Variants in RBFOX1 observed in about 807,000 individuals in gnomAD.
The protein encoded by RBFOX1 is RNA binding protein fox-1 homolog 1.
Under a neutral mutation model 57.7 loss-of-function variants are expected in RBFOX1, and 8 were observed. The observed-to-expected ratio is 0.14, with a 90% CI of 0.08 to 0.25. The LOEUF (loss-of-function observed/expected upper bound fraction) is 0.25. RBFOX1 is among the 10% of genes least tolerant of loss of function. The pLI, the probability that RBFOX1 is intolerant of heterozygous loss-of-function variation, is 1.00. For synonymous variants in RBFOX1, 326 were observed against 222.4 expected, an observed-to-expected ratio of 1.47 and a Z score of -4.15; for missense variants, 611 against 548.5, an observed-to-expected ratio of 1.11 and a Z score of -1.14.
Position 6,859,167 on chromosome 16 carries a change from A to ATATATATACG in RBFOX1, c.-15-192883_-15-192882insACGTATATAT, listed in dbSNP as rs1567593244. ...TATATATATATGTATATATATACGT[A>ATATATATACG]TATATATGTATATATATGTATATAT... is the stretch of plus-strand genomic sequence containing the variant. On this transcript the variant is annotated intron_variant, in intron 3 of 15. Transcript: ENST00000550418. Among the ~76,000 whole-genome samples, 47 of 73,704 alleles carry ATATATATACG rather than the reference A, an allele frequency of 6.4e-4. 2 individuals are homozygous for ATATATATACG. The highest frequency in any genetic ancestry group is 3.1e-3 in the African/African-American group (46 of 14,786). The allele number at this position is 73,704 out of a possible 152,430, so 48.4% of individuals were successfully genotyped here. A position where few individuals can be genotyped will look rare whatever the true frequency, so the allele number is the denominator to read the frequency against.
intron 3 of RBFOX1, among the ~76,000 whole-genome samples, chr16:6,901,481 T>C (rs2068479742): frequency 6.6e-6 from 1 of 152,174 alleles, no homozygotes. Flanking sequence ...GACTCTTCCT[T>C]AGCCCATGAC....
At chr16:6,412,731 C>T (rs534175908) in intron 2 of RBFOX1, among the ~76,000 whole-genome samples, 45 of 152,244 alleles carry the variant, frequency 3.0e-4, no homozygotes, top group Admixed American at 1.0e-3. Context: ...TGCTAATGGA[C>T]ATGTGAAGCA....
At chr16:5,812,650 C>T (rs563439495) in intron 3 of RBFOX1, among the ~76,000 whole-genome samples, 3 of 152,000 alleles carry the variant, frequency 2.0e-5, no homozygotes, top group East Asian at 3.9e-4. Context: ...TTGGTAGACC[C>T]GGGCTCTCCC....
intron 2 of RBFOX1, among the ~76,000 whole-genome samples, chr16:5,538,164 G>A (rs2044775526): frequency 6.6e-6 from 1 of 152,200 alleles, no homozygotes; most frequent in African/African-American, 2.4e-5. Flanking sequence ...AATCTAGGGG[G>A]AGGGTGTGGA....
intron 10 of RBFOX1, among the ~76,000 whole-genome samples, chr16:7,615,389 C>G (rs554877677): frequency 3.0e-4 from 45 of 152,252 alleles, no homozygotes; most frequent in African/African-American, 1.1e-3. Flanking sequence ...TTAATATTGT[C>G]TGCCACATGC....
intron 2 of RBFOX1, among the ~76,000 whole-genome samples, chr16:5,559,321 C>T (rs949420453): frequency 1.1e-4 from 17 of 152,060 alleles, no homozygotes; most frequent in African/African-American, 4.1e-4. Flanking sequence ...TGACGTACAT[C>T]TTAAGGATCA....
At chr16:6,705,718 G>T (rs924541626) in intron 3 of RBFOX1, among the ~76,000 whole-genome samples, 34 of 152,036 alleles carry the variant, frequency 2.2e-4, no homozygotes, top group African/African-American at 8.2e-4. Flanking sequence ...AATAAAGAGG[G>T]ATAAAATTAT....
intron 11 of RBFOX1, among the ~76,000 whole-genome samples, chr16:7,647,755 C>A (rs753534102): frequency 3.3e-5 from 5 of 152,112 alleles, no homozygotes; most frequent in Non-Finnish European, 7.4e-5. Flanking sequence ...GGGCATTTTG[C>A]ATTGGCTTTA....
rs149861256 is a variant in RBFOX1, at chr16:5,274,757, C to G, written c.219+34652C>G. ...CTCAGTCCCTTGCATAGGCACCAGG[C>G]TTTTTTAGGGCAAGCAGGACAGGTA... On this transcript the variant is annotated intron_variant, in intron 1 of 2. Coordinates refer to the RBFOX1 transcript ENST00000585867. 4.2e-3 allele frequency among the ~76,000 whole-genome samples: 644 copies of G among 152,280 alleles called. 2 individuals are homozygous for G. Among genetic ancestry groups the G allele is most frequent in the Middle Eastern group, 0.01 (3 of 294 alleles).
rs539534271 is a variant in RBFOX1, at chr16:6,923,008, T to C, written c.-15-129049T>C. Among the ~76,000 whole-genome samples the C allele has an allele frequency of 2.0e-5, 3 of 152,302 alleles. 1 individual carries two copies. In the South Asian group the frequency reaches 6.2e-4, roughly 32 times the overall value. On this transcript the variant is annotated intron_variant, in intron 3 of 15. Transcript: ENST00000550418. ...AATACACAAACTACTTATAAATCTA[T>C]AGGCAGTGTATAAGCAAACCATAGA...
chr16:7,447,917 A>G (rs747612528), intron 4 of RBFOX1, among the ~76,000 whole-genome samples: 35 of 152,360 alleles, frequency 2.3e-4, no homozygotes, highest in Middle Eastern at 3.4e-3. Context: ...GCCAACAGGC[A>G]TCTGCGTTAA....
chr16:6,530,095 T>G (rs1271622271), intron 2 of RBFOX1, among the ~76,000 whole-genome samples: 7 of 152,220 alleles, frequency 4.6e-5, no homozygotes, highest in Admixed American at 4.6e-4. Context: ...GTCAGACTTG[T>G]AGCTTCCGAA....
At chr16:6,747,339 A>G (rs1041800642) in intron 3 of RBFOX1, among the ~76,000 whole-genome samples, 22 of 152,042 alleles carry the variant, frequency 1.4e-4, no homozygotes, top group Non-Finnish European at 2.5e-4. Context: ...CCTAGGAGGT[A>G]GAGATTGTAG....
At position 7,664,985 on chromosome 16, in the gene RBFOX1, G is replaced by C. The variant is rs77347896; in HGVS notation, c.930+17G>C. 8.7e-6 allele frequency: 14 copies of C among 1,613,730 alleles called. No homozygotes were observed. The highest frequency in any genetic ancestry group is 1.2e-5 in the Non-Finnish European group (14 of 1,179,836). ...GACATTTATGTAAGTATTCATTCAC[G>C]TGCATGCCATCCCCGTTTCCTCCTG... On this transcript the variant is annotated intron_variant, in intron 13 of 15. Transcript: ENST00000550418.
At chr16:5,267,661 C>G (rs2062894801) in intron 1 of RBFOX1, among the ~76,000 whole-genome samples, 1 of 152,198 alleles carries the variant, frequency 6.6e-6, no homozygotes, top group African/African-American at 2.4e-5. Context: ...TGGCCACAGT[C>G]TCTGGGAAAT....
intron 5 of RBFOX1, among the ~76,000 whole-genome samples, chr16:7,569,099 A>G (rs971897711): frequency 2.0e-5 from 3 of 151,996 alleles, no homozygotes; most frequent in Admixed American, 6.6e-5. Flanking sequence ...TTCCCCCAGC[A>G]CACCATGGCT....
At chr16:5,437,139 C>A (rs1481298540) in intron 1 of RBFOX1, among the ~76,000 whole-genome samples, 4 of 152,044 alleles carry the variant, frequency 2.6e-5, no homozygotes, top group African/African-American at 7.3e-5. Context: ...TAAGAAAATG[C>A]ATTGACTTGG....
At chr16:7,067,770 G>A (rs2056440269) in intron 4 of RBFOX1, among the ~76,000 whole-genome samples, 1 of 144,614 alleles carries the variant, frequency 6.9e-6, no homozygotes, top group African/African-American at 2.6e-5. Context: ...CTACCTATGA[G>A]TGAGAATATG....
At chr16:6,769,547 T>C (rs1360209255) in intron 3 of RBFOX1, among the ~76,000 whole-genome samples, 1 of 152,222 alleles carries the variant, frequency 6.6e-6, no homozygotes, top group Non-Finnish European at 1.5e-5. Context: ...TCAGGCTGTT[T>C]CCTGTTTTTG....
Sources: gnomAD v4.1 joint callset for allele counts (sites outside exome capture counted in the v4.1 genomes callset) on GRCh38, gnomAD v4.1.1 for gene constraint, MANE v1.5 for transcripts, NCBI Gene and HGNC (gene_info 2026-07-23, HGNC 2026-07-21) for gene names.